PCDHA7: variants seen among roughly 807,000 people sequenced by gnomAD.
PCDHA7 encodes protocadherin alpha 7.
Under a neutral mutation model 57.2 loss-of-function variants are expected in PCDHA7, and 37 were observed. The observed-to-expected ratio is 0.65, with a 90% CI of 0.50 to 0.85. The LOEUF (loss-of-function observed/expected upper bound fraction) is 0.85, where lower values mean the gene tolerates loss of function less well. Ranked by LOEUF, PCDHA7 falls within the 40% of genes least tolerant of loss-of-function variation. The probability of loss-of-function intolerance (pLI) is 0.00; values close to 1 mark genes in which losing one functional copy is unlikely to be tolerated. For missense variants in PCDHA7, 1,188 were observed against 1,241.8 expected (o/e 0.96, Z 0.65); for synonymous variants, 553 against 558.8 (o/e 0.99, Z 0.15).
At chr5:140,972,316 G>T (rs2096531069) in intron 1 of PCDHA7, among the ~76,000 whole-genome samples, 2 of 139,864 alleles carry the variant, frequency 1.4e-5, no homozygotes, top group South Asian at 2.3e-4. Flanking sequence ...GTTTTTAGGT[G>T]TTTTTTTTTT....
intron 1 of PCDHA7, among the ~76,000 whole-genome samples, chr5:140,847,173 G>A (rs1554141670): frequency 6.7e-6 from 1 of 149,492 alleles, no homozygotes; most frequent in African/African-American, 2.4e-5. Context: ...ATAAACTAAA[G>A]GGCCATGAGT....
In PCDHA7 at chr5:140,982,489, A is replaced by G. The variant is rs782634646; in HGVS notation, c.2429A>G (p.Glu810Gly). The change falls in exon 3 of 4, where the codon GAG (glutamate) becomes GGG (glycine). Residue 810 changes from glutamate to glycine, a missense_variant. By Grantham distance (98) the Glu-to-Gly change is moderately conservative. Transcript: ENST00000525929. ...RAGMHSSVHL[E>G]EAGILRAGPG... ...TGTTTATTCAGCTCTGTGCACCTAG[A>G]GGAGGCTGGCATTCTACGGGCTGGT... 3 of 1,614,066 alleles carry G rather than the reference A, an allele frequency of 1.9e-6. No individual in the cohort carries two copies. The African/African-American group carries it at 4.0e-5, about 22-fold the overall frequency.
intron 1 of PCDHA7, among the ~76,000 whole-genome samples, chr5:140,855,047 T>C (rs1426970366): frequency 1.3e-5 from 2 of 149,978 alleles, no homozygotes; most frequent in African/African-American, 2.4e-5. Flanking sequence ...TCTGTAATAG[T>C]ACTTTTCTGT....
At chr5:140,840,691 C>G (rs2150308754) in intron 1 of PCDHA7, among the ~76,000 whole-genome samples, 2 of 151,924 alleles carry the variant, frequency 1.3e-5, no homozygotes, top group Non-Finnish European at 2.9e-5. Context: ...GTAAATAAAA[C>G]GGTTCAGGCA....
At position 140,929,086 on chromosome 5, in the gene PCDHA7, G is replaced by A. The variant is rs899611580; in HGVS notation, c.2356-49863G>A. 2.5e-6 allele frequency: 4 copies of A among 1,614,158 alleles called. No individual in the cohort carries two copies. The South Asian group carries it at 4.4e-5, about 18-fold the overall frequency. On this transcript the variant is annotated intron_variant, in intron 1 of 3. Coordinates refer to ENST00000525929, the MANE Select transcript of PCDHA7 (RefSeq NM_018910.3). ...GGATCTGAGGTATGGAAGTAAGATG[G>A]TTTCAAATCCTTGCATGACATCAGC... is the stretch of plus-strand genomic sequence containing the variant.
rs2150236054 is a variant in PCDHA7 at position 140,835,452 on chromosome 5, C to T, written c.1069C>T (p.Leu357Phe). 1 of 1,613,908 alleles carries T rather than the reference C, an allele frequency of 6.2e-7. No individual in the cohort carries two copies. The highest frequency in any genetic ancestry group is 2.2e-5 in the East Asian group (1 of 44,840). ...APQLTLTSLSLPIPEDAQPGT... is the reference protein window; with the variant it reads ...APQLTLTSLSFPIPEDAQPGT... ...ACAGTTGACTCTCACTTCCCTGTCT[C>T]TCCCTATTCCAGAGGACGCCCAACC... Residue 357 changes from leucine to phenylalanine, a missense_variant, in exon 1 of 4, where the codon CTC (leucine) becomes TTC (phenylalanine). Transcript: ENST00000525929.
At chr5:140,875,888 A>G (rs782107591) in intron 1 of PCDHA7, 3 of 1,614,076 alleles carry the variant, frequency 1.9e-6, no homozygotes, top group Non-Finnish European at 2.5e-6. Context: ...AGGGAACAAA[A>G]GGTACCTGTT....
At chr5:140,994,065 T>A (rs1563596985) in intron 3 of PCDHA7, among the ~76,000 whole-genome samples, 1 of 152,092 alleles carries the variant, frequency 6.6e-6, no homozygotes, top group Non-Finnish European at 1.5e-5. Context: ...ATAAATCTAA[T>A]GGTGAAGGGA....
Position 140,836,209 on chromosome 5 carries a change from A to T in PCDHA7, c.1826A>T (p.Tyr609Phe). 1 of 1,613,782 alleles carries T rather than the reference A, an allele frequency of 6.2e-7. No homozygotes were observed. The highest frequency in any genetic ancestry group is 8.5e-7 in the Non-Finnish European group (1 of 1,179,800). The change falls in exon 1 of 4, where the codon TAT becomes TTT. Residue 609 changes from tyrosine (Y) to phenylalanine (F), a missense_variant. Physicochemically the swap from Tyr to Phe is conservative, Grantham distance 22 (BLOSUM62 3). This residue lies in a region of PCDHA7 where 892 missense variants were observed against 788.5 expected (regional missense o/e 1.13). Coordinates refer to ENST00000525929, the MANE Select transcript of PCDHA7 (RefSeq NM_018910.3). ...ADSGYNAWLSYELQPVAAGAS... is the reference protein window; with the variant it reads ...ADSGYNAWLSFELQPVAAGAS... ...TCAGGCTACAACGCGTGGCTTTCGTATGAGTTGCAACCGGTGGCGGCCGGT... is the reference window on the plus strand; with the variant it reads ...TCAGGCTACAACGCGTGGCTTTCGTTTGAGTTGCAACCGGTGGCGGCCGGT...
rs782027925 is a variant in PCDHA7, at chr5:140,877,333, C to G, written c.2355+40595C>G. The G allele has an allele frequency of 2.5e-6, 4 of 1,613,992 alleles. No individual in the cohort carries two copies. The South Asian group carries it at 3.3e-5, about 13-fold the overall frequency. Reference sequence around the variant, plus strand: ...ACCGGCGGCGGTCGGCGCGCACATCCCGTTCCACGTGGGGCTGTACACTGG... The same window carrying G: ...ACCGGCGGCGGTCGGCGCGCACATCGCGTTCCACGTGGGGCTGTACACTGG... On this transcript the variant is annotated intron_variant, in intron 1 of 3. Transcript: ENST00000525929.
At chr5:140,965,609 G>T (rs568507618) in intron 1 of PCDHA7, among the ~76,000 whole-genome samples, 9 of 151,736 alleles carry the variant, frequency 5.9e-5, no homozygotes, top group Admixed American at 2.0e-4. Context: ...TGAAGACATT[G>T]TCATCCATTA....
intron 1 of PCDHA7, chr5:140,850,083 C>G: frequency 6.3e-7 from 1 of 1,596,622 alleles, no homozygotes; most frequent in Non-Finnish European, 8.6e-7. Context: ...GGAGCTGGAG[C>G]TGCTACAGTT....
chr5:140,840,974 G>T (rs1202525007), intron 1 of PCDHA7, among the ~76,000 whole-genome samples: 1 of 152,020 alleles, frequency 6.6e-6, no homozygotes, highest in Non-Finnish European at 1.5e-5. Flanking sequence ...TTATGAAGAA[G>T]AAATCCCTAG....
chr5:140,952,338 C>CA (rs55931446), intron 1 of PCDHA7, among the ~76,000 whole-genome samples: 315 of 135,024 alleles, frequency 2.3e-3, no homozygotes, highest in East Asian at 0.011. Context: ...AACTCCATCT[C>CA]AAAAAAAAAA....
Position 141,010,110 on chromosome 5 carries a change from A to C in PCDHA7, c.*173A>C. On this transcript the variant is annotated 3_prime_UTR_variant, in exon 4 of 4. Coordinates refer to ENST00000525929, the MANE Select transcript of PCDHA7 (RefSeq NM_018910.3). ...GAACGCATTTAACAGGTTTTGTCGT[A>C]AAAGCTTTACTAAGTCTGGTGTTAA... 6.2e-7 allele frequency: 1 copy of C among 1,611,166 alleles called. No individual in the cohort carries two copies. The highest frequency in any genetic ancestry group is 8.5e-7 in the Non-Finnish European group (1 of 1,178,396).
chr5:140,859,256 G>C lies in PCDHA7; in HGVS notation c.2355+22518G>C, dbSNP rs182882850. On this transcript the variant is annotated intron_variant, in intron 1 of 3. Transcript: ENST00000525929. Reference sequence around the variant, plus strand: ...TCATGCTTATGTTTAATAATGAAGAGAATTTGAACACTTTTTACTTTTGAG... The same window carrying C: ...TCATGCTTATGTTTAATAATGAAGACAATTTGAACACTTTTTACTTTTGAG... 3 of 131,348 alleles carry C rather than the reference G, an allele frequency of 2.3e-5. 1 individual carries two copies. The highest frequency in any genetic ancestry group is 5.3e-5 in the Non-Finnish European group (3 of 56,988). The allele number at this position is 131,348 out of a possible 1,614,324, so 8.1% of individuals were successfully genotyped here.
intron 1 of PCDHA7, chr5:140,882,537 T>C (rs1582624652): frequency 6.2e-7 from 1 of 1,614,176 alleles, no homozygotes; most frequent in East Asian, 2.2e-5. Context: ...AATTCTCGGA[T>C]CGACCGCGAG....
In PCDHA7 at chr5:140,941,719, C is replaced by G. The variant is rs76426901; in HGVS notation, c.2356-37230C>G. 1.5e-4 allele frequency among the ~76,000 whole-genome samples: 23 copies of G among 152,260 alleles called. No individual in the cohort carries two copies. The East Asian group carries it at 4.0e-3, about 27-fold the overall frequency. ...GGCTTAGCTTTCCTCCACAATTTGT[C>G]CTAGCAGTTCCCCATTATCTTATCA... is the stretch of plus-strand genomic sequence containing the variant. On this transcript the variant is annotated intron_variant, in intron 1 of 3. Coordinates refer to ENST00000525929, the MANE Select transcript of PCDHA7 (RefSeq NM_018910.3).
chr5:140,866,893 A>G (rs961620387), intron 1 of PCDHA7: 1 of 152,138 alleles, frequency 6.6e-6, no homozygotes, highest in Admixed American at 6.5e-5. Context: ...ATACCCAGAT[A>G]TTAGGCTGAT....
Sources: allele counts gnomAD v4.1 joint callset (sites outside exome capture counted in the v4.1 genomes callset), GRCh38; gene constraint gnomAD v4.1.1; regional missense constraint gnomAD v4.1.1; transcripts MANE v1.5; gene names NCBI Gene and HGNC (gene_info 2026-07-23, HGNC 2026-07-21).